ANKRD11: variants seen among roughly 807,000 people sequenced by gnomAD.
ANKRD11 encodes the protein ankyrin repeat domain-containing protein 11.
Under a neutral mutation model 195.7 loss-of-function variants are expected in ANKRD11, and 17 were observed. That is an observed-to-expected ratio of 0.09 (90% CI 0.06 to 0.13). ANKRD11 has a LOEUF of 0.13. Among genes scored for constraint, ANKRD11 ranks in the 10% least tolerant of loss-of-function variants. The pLI is 1.00. For synonymous variants in ANKRD11, 1,953 were observed against 1,528.1 expected (o/e 1.28, Z -6.49); for missense variants, 3,735 against 3,566.1 (o/e 1.05, Z -1.21).
At chr16:89,278,731 G>A (rs764759751) in intron 9 of ANKRD11, 1 of 517,258 alleles carries the variant, frequency 1.9e-6, no homozygotes, top group East Asian at 5.0e-5. Context: ...CTCTCGTGAG[G>A]CCGTCCTGGT....
At chr16:89,402,734 G>T (rs1232355421) in intron 2 of ANKRD11, among the ~76,000 whole-genome samples, 2 of 147,332 alleles carry the variant, frequency 1.4e-5, no homozygotes, top group Non-Finnish European at 3.0e-5. Context: ...GGGCTCTGTG[G>T]GGTGAGATAG....
At chr16:89,337,090 A>G (rs2038400504) in intron 2 of ANKRD11, among the ~76,000 whole-genome samples, 1 of 149,740 alleles carries the variant, frequency 6.7e-6, no homozygotes, top group African/African-American at 2.5e-5. Flanking sequence ...GGAGGCTGAG[A>G]TGGGAGGATT....
intron 3 of ANKRD11, among the ~76,000 whole-genome samples, chr16:89,309,663 T>G (rs1297436469): frequency 6.6e-6 from 1 of 152,212 alleles, no homozygotes; most frequent in Non-Finnish European, 1.5e-5. Flanking sequence ...CCCATCCACC[T>G]GGGCTCAGAG....
Position 89,282,008 on chromosome 16 carries a change from G to A in ANKRD11, c.4534C>T (p.Arg1512Cys), listed in dbSNP as rs372367879. 33 of 1,613,110 alleles carry A rather than the reference G, an allele frequency of 2.0e-5. No individual in the cohort carries two copies. Among genetic ancestry groups the A allele is most frequent in the African/African-American group, 8.0e-5 (6 of 74,916 alleles). ...PATRDKDSPPRVLKDKSRDEG... is the reference protein window; with the variant it reads ...PATRDKDSPPCVLKDKSRDEG... ...TCCCTGGACTTGTCTTTGAGCACGC[G>A]GGGCGGGCTGTCCTTGTCCCTGGTG... The change falls in exon 9 of 13, where the codon CGC becomes TGC. Residue 1512 changes from arginine to cysteine, a missense_variant. By Grantham distance (180) the Arg-to-Cys change is radical (BLOSUM62 -3). Coordinates refer to ENST00000301030, the MANE Select transcript of ANKRD11 (RefSeq NM_013275.6).
intron 4 of ANKRD11, among the ~76,000 whole-genome samples, chr16:89,294,026 C>A (rs1054196081): frequency 6.6e-6 from 1 of 152,108 alleles, no homozygotes; most frequent in Non-Finnish European, 1.5e-5. Context: ...CAGCTCACAC[C>A]CAACATGTGC....
chr16:89,462,161 G>A (rs2056700314), intron 1 of ANKRD11, among the ~76,000 whole-genome samples: 1 of 150,878 alleles, frequency 6.6e-6, no homozygotes, highest in South Asian at 2.1e-4. Context: ...TGCCATCTCG[G>A]CTCACTGCAA....
chr16:89,387,199 A>T (rs2040950937), intron 2 of ANKRD11, among the ~76,000 whole-genome samples: 1 of 152,160 alleles, frequency 6.6e-6, no homozygotes, highest in Admixed American at 6.5e-5. Context: ...CTCAGCAAGG[A>T]AACACACAGG....
chr16:89,293,934 G>T (rs912750153), intron 4 of ANKRD11, among the ~76,000 whole-genome samples: 15 of 152,266 alleles, frequency 9.9e-5, no homozygotes, highest in Non-Finnish European at 1.8e-4. Context: ...CCCACGCTGC[G>T]TCCCCGCTCT....
chr16:89,466,373 G>A (rs1045494843), intron 1 of ANKRD11, among the ~76,000 whole-genome samples: 7 of 152,166 alleles, frequency 4.6e-5, no homozygotes, highest in African/African-American at 1.7e-4. Context: ...GATGACACAG[G>A]GGACCGCATG....
intron 2 of ANKRD11, among the ~76,000 whole-genome samples, chr16:89,399,238 T>C (rs2041592246): frequency 6.6e-6 from 1 of 152,120 alleles, no homozygotes; most frequent in Non-Finnish European, 1.5e-5. Context: ...TTGTTTATTC[T>C]TCATTTATCC....
intron 2 of ANKRD11, among the ~76,000 whole-genome samples, chr16:89,379,592 C>T (rs2040560205): frequency 6.6e-6 from 1 of 152,228 alleles, no homozygotes; most frequent in South Asian, 2.1e-4. Flanking sequence ...GACACTTCTG[C>T]CTCAGCCTCC....
intron 1 of ANKRD11, among the ~76,000 whole-genome samples, chr16:89,439,181 G>T (rs1052430939): frequency 6.6e-6 from 1 of 151,946 alleles, no homozygotes; most frequent in Non-Finnish European, 1.5e-5. Flanking sequence ...TTTCCTACCC[G>T]CAGCACTGAA....
intron 2 of ANKRD11, among the ~76,000 whole-genome samples, chr16:89,350,784 G>T (rs1162059401): frequency 6.6e-6 from 1 of 152,212 alleles, no homozygotes; most frequent in Non-Finnish European, 1.5e-5. Context: ...TGAGCAACAT[G>T]ATGCTCATGT....
intron 2 of ANKRD11, among the ~76,000 whole-genome samples, chr16:89,383,692 G>A (rs1399132905): frequency 3.3e-5 from 5 of 152,190 alleles, no homozygotes; most frequent in Admixed American, 1.3e-4. Context: ...CAGACGTCCA[G>A]CCCCTGCCCT....
intron 1 of ANKRD11, among the ~76,000 whole-genome samples, chr16:89,449,009 G>A (rs2043935261): frequency 6.6e-6 from 1 of 152,010 alleles, no homozygotes; most frequent in South Asian, 2.1e-4. Flanking sequence ...TTTATTCTTT[G>A]CTACTTCAAA....
At chr16:89,368,702 G>C (rs969422977) in intron 2 of ANKRD11, among the ~76,000 whole-genome samples, 1 of 151,112 alleles carries the variant, frequency 6.6e-6, no homozygotes, top group African/African-American at 2.4e-5. Context: ...CAGCCCAGGA[G>C]CTCAAGACCA....
At chr16:89,487,438 T>C (rs1390587392) in intron 1 of ANKRD11, among the ~76,000 whole-genome samples, 2 of 152,254 alleles carry the variant, frequency 1.3e-5, no homozygotes, top group African/African-American at 2.4e-5. Flanking sequence ...ACTCCTCTTA[T>C]ATTTGATGAA....
chr16:89,285,328 C>A lies in ANKRD11; in HGVS notation c.1214G>T (p.Arg405Leu). ...NTIAPKKASH[R>L]ILSDTSDEED... ...CTCGTCCGACGTGTCTGACAGGATA[C>A]GATGGGACGCTTTCTTTGGTGCAAT... The change falls in exon 9 of 13, where the codon CGT becomes CTT. Residue 405 changes from arginine to leucine, a missense_variant. Physicochemically the swap from Arg to Leu is moderately radical, Grantham distance 102 (BLOSUM62 -2). Transcript: ENST00000301030. This position sits in a 1 kb window ranked among gnomAD's most constrained non-coding sequence, Gnocchi z 5.6. 1.2e-6 allele frequency: 2 copies of A among 1,614,002 alleles called. No individual in the cohort carries two copies. Among genetic ancestry groups the A allele is most frequent in the Non-Finnish European group, 1.7e-6 (2 of 1,180,042 alleles).
At chr16:89,288,262 A>C in intron 7 of ANKRD11, 1 of 637,578 alleles carries the variant, frequency 1.6e-6, no homozygotes, top group Non-Finnish European at 2.8e-6. Context: ...ACCTGCTCAA[A>C]TCCAACCAGA....
Sources: allele counts gnomAD v4.1 joint callset (sites outside exome capture counted in the v4.1 genomes callset), GRCh38; gene constraint gnomAD v4.1.1; non-coding constraint Gnocchi (gnomAD v3.1); transcripts MANE v1.5; gene names NCBI Gene and HGNC (gene_info 2026-07-23, HGNC 2026-07-21).